The following LILRB5 variants were observed in gnomAD, a reference collection of about 807,000 sequenced individuals.
The protein encoded by LILRB5 is leukocyte immunoglobulin like receptor B5, also known as leukocyte immunoglobulin-like receptor subfamily B member 5.
Under a neutral mutation model 68.4 loss-of-function variants are expected in LILRB5, and 61 were observed. That is an observed-to-expected ratio of 0.89 (90% CI 0.73 to 1.10). The LOEUF is 1.10. Ranked by LOEUF, LILRB5 falls within the 50% of genes least tolerant of loss-of-function variation. The pLI, the probability that LILRB5 is intolerant of heterozygous loss-of-function variation, is 0.00. For synonymous variants in LILRB5, 356 were observed against 315.8 expected (o/e 1.13, Z -1.35); for missense variants, 771 against 751.6 (o/e 1.03, Z -0.30).
chr19:54,252,145 T>C, intron 11 of LILRB5, 39 bp from the exon 12 acceptor site: 1 of 1,608,518 alleles, frequency 6.2e-7, no homozygotes, highest in Non-Finnish European at 8.5e-7. Flanking sequence ...CCTGGGAAGG[T>C]TCTCTGAGAC....
chr19:54,256,527 C>A lies in LILRB5; in HGVS notation c.317G>T (p.Trp106Leu). 1 of 1,614,132 alleles carries A rather than the reference C, an allele frequency of 6.2e-7. No individual in the cohort carries two copies. Among genetic ancestry groups the A allele is most frequent in the South Asian group, 1.1e-5 (1 of 91,088 alleles). The change falls in exon 3 of 13, where the codon TGG becomes TTG. Residue 106 changes from tryptophan to leucine, a missense_variant. Physicochemically the swap from Trp to Leu is moderately conservative, Grantham distance 61 (BLOSUM62 -2). Transcript: ENST00000449561. Reference protein sequence around the residue: ...YRCYYETPAGWSEPSDPLELV... With the variant: ...YRCYYETPAGLSEPSDPLELV... The stretch of plus-strand genomic sequence containing the variant: ...CTCCAGGGGGTCACTGGGCTCTGAC[C>A]AGCCTGCAGGGGTCTCATAGTAGCA...
rs2079129352 is a variant in LILRB5 at position 54,256,047 on chromosome 19, G to T, written c.651C>A (p.Val217=). 1 of 1,536,318 alleles carries T rather than the reference G, an allele frequency of 6.5e-7. No individual in the cohort carries two copies. The highest frequency in any genetic ancestry group is 1.4e-5 in the African/African-American group (1 of 71,872). The change falls in exon 4 of 13, where the codon GTC becomes GTA. Residue 217 remains valine, a synonymous_variant. Transcript: ENST00000449561. ...GAAGTGTGGTGGCTTTTTCACCTGG[G>T]ACCAGAATCTCCAGGAGGTCACTGG... ...SNPSDLLEIL[V]PGVSRKPSLL...
chr19:54,255,628 C>A (rs186086804), intron 4 of LILRB5, 46 bp from the exon 5 acceptor site: 2 of 1,571,398 alleles, frequency 1.3e-6, no homozygotes, highest in Non-Finnish European at 1.7e-6. Context: ...GTTCCTCCCC[C>A]GCCCCTTCCT....
chr19:54,252,192 G>A, intron 11 of LILRB5, 86 bp from the exon 12 acceptor site: 1 of 1,524,414 alleles, frequency 6.6e-7, no homozygotes, highest in South Asian at 1.2e-5. Context: ...GTTCCCACTA[G>A]GGTGGCTGAG....
At chr19:54,251,145 G>A (rs2032953102) in intron 12 of LILRB5, 1 of 1,590,706 alleles carries the variant, frequency 6.3e-7, no homozygotes, top group African/African-American at 1.3e-5. Flanking sequence ...GTCACTGCCT[G>A]GGGGTCTTCA....
intron 8 of LILRB5, 151 bp downstream of exon 8, chr19:54,253,867 G>A: frequency 6.6e-7 from 1 of 1,511,532 alleles, no homozygotes; most frequent in Non-Finnish European, 8.9e-7. Context: ...ATCAATGCAG[G>A]CCTCTCTCCT....
chr19:54,255,808 G>A, intron 4 of LILRB5: 2 of 674,696 alleles, frequency 3.0e-6, no homozygotes, highest in Non-Finnish European at 4.9e-6. Flanking sequence ...CTCATTGAGG[G>A]ACAGGAAATT....
intron 9 of LILRB5, 73 bp downstream of exon 9, chr19:54,252,798 G>T: frequency 7.2e-7 from 1 of 1,387,556 alleles, no homozygotes; most frequent in Non-Finnish European, 9.9e-7. Context: ...TTTCCTTTGT[G>T]TTTGGTTTCC....
rs1353821792 is a variant in LILRB5, at chr19:54,255,330, G to A, written c.908C>T (p.Pro303Leu). The change falls in exon 5 of 13, where the codon CCT (proline) becomes CTT (leucine). Residue 303 changes from proline (P) to leucine (L), a missense_variant. Transcript: ENST00000449561. ...YRCYGAHNLS[P>L]RWSAPSDPLD... Reference sequence around the variant, plus strand: ...GGGGTCGCTGGGGGCCGACCACCTAGGGGAGAGGTTGTGTGCACCGTAGCA... The same window carrying A: ...GGGGTCGCTGGGGGCCGACCACCTAAGGGAGAGGTTGTGTGCACCGTAGCA... 6.2e-7 allele frequency: 1 copy of A among 1,613,902 alleles called. No individual in the cohort carries two copies. The highest frequency in any genetic ancestry group is 2.2e-5 in the East Asian group (1 of 44,880).
chr19:54,254,282 G>A (rs1455964783), intron 7 of LILRB5, 83 bp downstream of exon 7: 82 of 1,494,870 alleles, frequency 5.5e-5, no homozygotes, highest in Non-Finnish European at 6.5e-5. Flanking sequence ...GAGTCTTTGA[G>A]GGGAATAGGA....
At chr19:54,255,966 G>A in intron 4 of LILRB5, 77 bp downstream of exon 4, 2 of 1,199,582 alleles carry the variant, frequency 1.7e-6, no homozygotes, top group Non-Finnish European at 2.3e-6. Context: ...TCCTTGCCAT[G>A]ATCAGTCATC....
In LILRB5 at chr19:54,255,760, T is replaced by C. The variant is rs2079120009; in HGVS notation, c.656-178A>G. 3 of 814,680 alleles carry C rather than the reference T, an allele frequency of 3.7e-6. No homozygotes were observed. The South Asian group carries it at 5.5e-5, about 15-fold the overall frequency. The allele number at this position is 814,680 out of a possible 1,614,324, so 50.5% of individuals were successfully genotyped here. On this transcript the variant is annotated intron_variant, in intron 4 of 12. Coordinates refer to ENST00000449561, the MANE Select transcript of LILRB5 (RefSeq NM_001081442.3). ...AGTAGTTCCAGACCGATAGTGTCTC[T>C]CTGACTCCTGGCCACTGTCTGTCTG...
intron 5 of LILRB5, 88 bp downstream of exon 5, chr19:54,255,198 C>G (rs544088552): frequency 1.6e-5 from 24 of 1,541,580 alleles, no homozygotes; most frequent in Admixed American, 3.8e-5. Flanking sequence ...ACCACCCCCC[C>G]GCCTCATCCC....
rs1364135510 is a variant in LILRB5, at chr19:54,249,695, G to A, written c.*1091C>T. On this transcript the variant is annotated 3_prime_UTR_variant, in exon 13 of 13. Transcript: ENST00000449561. ...GGTGAGTAGCTGAACATTTTATAGA[G>A]ATGAGGAGAGACTAACTAAGGACTA... 6.6e-6 allele frequency: 1 copy of A among 152,222 alleles called. No individual in the cohort carries two copies. The highest frequency in any genetic ancestry group is 1.9e-4 in the East Asian group (1 of 5,190). 9.4% of individuals were successfully genotyped at this position (152,222 alleles called of 1,614,324 possible).
intron 1 of LILRB5, 56 bp from the exon 2 acceptor site, chr19:54,257,052 C>T: frequency 4.3e-6 from 7 of 1,614,126 alleles, no homozygotes; most frequent in Non-Finnish European, 5.9e-6. Flanking sequence ...CAGTTCCTCT[C>T]CTCCCTCGGA....
chr19:54,255,971 G>T (rs2079126489), intron 4 of LILRB5, 72 bp downstream of exon 4: 1 of 1,253,392 alleles, frequency 8.0e-7, no homozygotes, highest in Non-Finnish European at 1.1e-6. Flanking sequence ...GCCATGATCA[G>T]TCATCAACCA....
chr19:54,254,640 C>T (rs533449202), intron 6 of LILRB5, 95 bp downstream of exon 6: 27 of 1,496,938 alleles, frequency 1.8e-5, no homozygotes, highest in South Asian at 1.3e-4. Context: ...AACCCTCCCC[C>T]CCGCACCGCG....
At chr19:54,253,913 G>A (rs2079035192) in intron 8 of LILRB5, 105 bp downstream of exon 8, 9 of 1,544,138 alleles carry the variant, frequency 5.8e-6, no homozygotes, top group Non-Finnish European at 7.9e-6. Context: ...GGCAGGGGAA[G>A]GGCTTGTGCA....
chr19:54,249,490 A>G lies in LILRB5; in HGVS notation c.*1296T>C, dbSNP rs1189147427. 1 of 152,248 alleles carries G rather than the reference A, an allele frequency of 6.6e-6. No homozygotes were observed. Among genetic ancestry groups the G allele is most frequent in the African/African-American group, 2.4e-5 (1 of 41,464 alleles). 9.4% of individuals were successfully genotyped at this position (152,248 alleles called of 1,614,324 possible). ...ACTCATTCCTTCGAGGACAAGACAC[A>G]GTGAAGCACCAATTATGAAATTAGA... is the stretch of plus-strand genomic sequence containing the variant. On this transcript the variant is annotated 3_prime_UTR_variant, in exon 13 of 13. Transcript: ENST00000449561.
Sources: allele counts gnomAD v4.1 joint callset, GRCh38; gene constraint gnomAD v4.1.1; transcripts MANE v1.5; gene names NCBI Gene and HGNC (gene_info 2026-07-23, HGNC 2026-07-21).